PCDHGB1: variants seen among roughly 807,000 people sequenced by gnomAD.
The protein encoded by PCDHGB1 is protocadherin gamma-B1.
Under a neutral mutation model 56.6 loss-of-function variants are expected in PCDHGB1, and 34 were observed. That is an observed-to-expected ratio of 0.60 (90% CI 0.46 to 0.80). The LOEUF (loss-of-function observed/expected upper bound fraction) is 0.80. PCDHGB1 is among the 30% of genes least tolerant of loss of function. PCDHGB1 has a pLI of 0.00. For synonymous variants in PCDHGB1, 561 were observed against 505.9 expected (o/e 1.11, Z -1.46); for missense variants, 1,278 against 1,204.6 (o/e 1.06, Z -0.90).
rs1264759473 is a variant in PCDHGB1 at position 141,486,183 on chromosome 5, G to A, written c.2410-8624G>A. On this transcript the variant is annotated intron_variant, in intron 1 of 3. Transcript: ENST00000523390. The surrounding 1 kb of genome is among the most constrained non-coding windows in gnomAD (Gnocchi z 5.0). The stretch of plus-strand genomic sequence containing the variant: ...GCCATGGAGCAACATTGCAGCCTTC[G>A]AGTGGATCTGCTGGACGTAAATGAC... 3 of 1,614,154 alleles carry A rather than the reference G, an allele frequency of 1.9e-6. No homozygotes were observed. The highest frequency in any genetic ancestry group is 1.1e-5 in the South Asian group (1 of 91,082).
intron 1 of PCDHGB1, chr5:141,360,842 A>G (rs1016848749): frequency 7.4e-6 from 12 of 1,614,028 alleles, no homozygotes; most frequent in Non-Finnish European, 1.0e-5. Flanking sequence ...ACGGATGCCA[A>G]CGATAACCCT....
intron 1 of PCDHGB1, among the ~76,000 whole-genome samples, chr5:141,494,547 C>T (rs2099755185): frequency 6.6e-6 from 1 of 152,106 alleles, no homozygotes; most frequent in East Asian, 1.9e-4. Context: ...GAGGAAGGGG[C>T]CATTTCTTTA....
At chr5:141,496,164 C>T (rs745320704) in intron 2 of PCDHGB1, among the ~76,000 whole-genome samples, 1 of 152,084 alleles carries the variant, frequency 6.6e-6, no homozygotes, top group Non-Finnish European at 1.5e-5. Context: ...CCACCAGACA[C>T]CCTCCCATCC....
intron 1 of PCDHGB1, chr5:141,372,656 G>T: frequency 6.2e-7 from 1 of 1,613,956 alleles, no homozygotes; most frequent in Non-Finnish European, 8.5e-7. Flanking sequence ...CCTACAATCC[G>T]TGTGCTGCCT....
chr5:141,351,814 C>G lies in PCDHGB1; in HGVS notation c.1554C>G (p.His518Gln), dbSNP rs368055501. Residue 518 changes from histidine to glutamine, a missense_variant, in exon 1 of 4, where the codon CAC becomes CAG. Transcript: ENST00000523390. ...GVVFAQRAFD[H>Q]EQLRAFELTL... ...TGTTCGCGCAGCGCGCCTTCGACCA[C>G]GAGCAGCTGCGCGCCTTCGAGCTCA... 3.1e-6 allele frequency: 5 copies of G among 1,613,246 alleles called. No individual in the cohort carries two copies. The highest frequency in any genetic ancestry group is 3.3e-4 in the Middle Eastern group (2 of 6,040).
chr5:141,437,000 G>A (rs1197061999), intron 1 of PCDHGB1, among the ~76,000 whole-genome samples: 1 of 152,198 alleles, frequency 6.6e-6, no homozygotes, highest in Non-Finnish European at 1.5e-5. Flanking sequence ...TTACTTCAAT[G>A]GGATCTTAGA....
At chr5:141,409,707 C>T in intron 1 of PCDHGB1, 1 of 1,613,248 alleles carries the variant, frequency 6.2e-7, no homozygotes, top group Non-Finnish European at 8.5e-7. Flanking sequence ...CTGGCGGTGT[C>T]GTCATACGTG....
At chr5:141,500,930 G>A (rs1300719832) in intron 2 of PCDHGB1, among the ~76,000 whole-genome samples, 4 of 151,824 alleles carry the variant, frequency 2.6e-5, no homozygotes, top group Admixed American at 6.6e-5. Context: ...GTGCAGTGGC[G>A]CCATCTCGGC....
chr5:141,485,434 G>A lies in PCDHGB1; in HGVS notation c.2410-9373G>A. The A allele has an allele frequency of 6.2e-7, 1 of 1,614,166 alleles. No individual in the cohort carries two copies. The highest frequency in any genetic ancestry group is 8.5e-7 in the Non-Finnish European group (1 of 1,180,018). On this transcript the variant is annotated intron_variant, in intron 1 of 3. Coordinates refer to ENST00000523390, the MANE Select transcript of PCDHGB1 (RefSeq NM_018922.3). This position sits in a 1 kb window ranked among gnomAD's most constrained non-coding sequence, Gnocchi z 5.7. ...TGGACAGCGGAGCCCTGCTCATCAA[G>A]AACCCAATCGACCGAGAGGCACTGT...
chr5:141,432,435 C>T lies in PCDHGB1; in HGVS notation c.2410-62372C>T. 1 of 1,614,212 alleles carries T rather than the reference C, an allele frequency of 6.2e-7. No homozygotes were observed. Among genetic ancestry groups the T allele is most frequent in the Non-Finnish European group, 8.5e-7 (1 of 1,180,038 alleles). The stretch of plus-strand genomic sequence containing the variant: ...TTCGTGCTGGACCAGAACGACAATG[C>T]GCCCGAGATCCTGTACCCCGCCCTC... On this transcript the variant is annotated intron_variant, in intron 1 of 3. Transcript: ENST00000523390. This position sits in a 1 kb window ranked among gnomAD's most constrained non-coding sequence, Gnocchi z 6.0.
At chr5:141,484,620 C>G (rs536622819) in intron 1 of PCDHGB1, among the ~76,000 whole-genome samples, 25 of 151,974 alleles carry the variant, frequency 1.6e-4, no homozygotes, top group African/African-American at 6.0e-4. Flanking sequence ...ACAACACTGG[C>G]TTGAACAAAG....
chr5:141,450,829 A>ATTT (rs373424450), intron 1 of PCDHGB1, among the ~76,000 whole-genome samples: 12,063 of 134,876 alleles, frequency 0.089, 619 homozygotes, highest in African/African-American at 0.14. Flanking sequence ...TATTATTATT[A>ATTT]TTTTTTTTTT....
chr5:141,420,415 TAAAAC>T, intron 1 of PCDHGB1: 1 of 1,217,298 alleles, frequency 8.2e-7, no homozygotes, highest in Non-Finnish European at 1.1e-6. Flanking sequence ...TTATCATTAT[TAAAAC>T]AAAAGTTTAA....
In PCDHGB1 at chr5:141,432,498, G is replaced by A. The variant is rs766191511; in HGVS notation, c.2410-62309G>A. Reference sequence around the variant, plus strand: ...TCCACTGGCGTGGAGCTGGCTCCCCGCTCCGCAGAGCCCGGCTACCTGGTG... The same window carrying A: ...TCCACTGGCGTGGAGCTGGCTCCCCACTCCGCAGAGCCCGGCTACCTGGTG... On this transcript the variant is annotated intron_variant, in intron 1 of 3. Coordinates refer to ENST00000523390, the MANE Select transcript of PCDHGB1 (RefSeq NM_018922.3). This position sits in a 1 kb window ranked among gnomAD's most constrained non-coding sequence, Gnocchi z 6.0. The A allele has an allele frequency of 1.9e-6, 3 of 1,614,106 alleles. No homozygotes were observed. The highest frequency in any genetic ancestry group is 2.5e-6 in the Non-Finnish European group (3 of 1,180,052).
chr5:141,395,343 G>T (rs903122712), intron 1 of PCDHGB1: 1 of 1,396,676 alleles, frequency 7.2e-7, no homozygotes, highest in Non-Finnish European at 9.5e-7. Flanking sequence ...TTTTTAAGGT[G>T]TATCACAGAG....
chr5:141,372,577 A>C (rs550513861), intron 1 of PCDHGB1: 1 of 1,614,006 alleles, frequency 6.2e-7, no homozygotes, highest in African/African-American at 1.3e-5. Context: ...GGCTACTTTC[A>C]GCCTGGTGTC....
At chr5:141,353,911 T>C (rs759123248) in intron 1 of PCDHGB1, among the ~76,000 whole-genome samples, 5 of 152,244 alleles carry the variant, frequency 3.3e-5, no homozygotes, top group Non-Finnish European at 7.3e-5. Flanking sequence ...GCTAATGCCC[T>C]TTTGTATGAG....
At chr5:141,430,915 G>A (rs565034370) in intron 1 of PCDHGB1, 2 of 1,607,738 alleles carry the variant, frequency 1.2e-6, no homozygotes, top group East Asian at 4.5e-5. Context: ...CCAGGGACCT[G>A]GGGCTGGAGC....
At chr5:141,428,163 C>T (rs759273230) in intron 1 of PCDHGB1, 77 of 1,564,636 alleles carry the variant, frequency 4.9e-5, no homozygotes, top group Non-Finnish European at 6.3e-5. Flanking sequence ...CTGCTGGTTG[C>T]TGTGCGTGAC....
Sources: gnomAD v4.1 joint callset for allele counts (sites outside exome capture counted in the v4.1 genomes callset) on GRCh38, gnomAD v4.1.1 for gene constraint, Gnocchi (gnomAD v3.1) non-coding constraint, MANE v1.5 for transcripts, NCBI Gene and HGNC (gene_info 2026-07-23, HGNC 2026-07-21) for gene names.